The following MYO1B variants were observed in gnomAD, a reference collection of about 807,000 sequenced individuals.
MYO1B encodes unconventional myosin-Ib.
MYO1B carries 72 observed loss-of-function variants against 159.7 expected under a neutral mutation model. That is an observed-to-expected ratio of 0.45 (90% CI 0.37 to 0.55). The LOEUF (loss-of-function observed/expected upper bound fraction) is 0.55. MYO1B is among the 20% of genes least tolerant of loss of function. MYO1B has a pLI of 0.00. For synonymous variants in MYO1B, 468 were observed against 473.8 expected, an observed-to-expected ratio of 0.99 and a Z score of 0.16; for missense variants, 1,062 against 1,364.8, an observed-to-expected ratio of 0.78 and a Z score of 3.50.
At chr2:191,413,582 C>T (rs1697381611) in intron 27 of MYO1B, among the ~76,000 whole-genome samples, 1 of 152,184 alleles carries the variant, frequency 6.6e-6, no homozygotes, top group Non-Finnish European at 1.5e-5. Flanking sequence ...TTCTTATTCT[C>T]TGCAAGAAAT....
intron 8 of MYO1B, among the ~76,000 whole-genome samples, chr2:191,361,737 G>A (rs759309701): frequency 6.6e-5 from 10 of 151,824 alleles, no homozygotes; most frequent in Non-Finnish European, 1.3e-4. Context: ...GTAGAGCTGC[G>A]GGTGTTACTT....
chr2:191,359,165 A>G (rs891799928), intron 7 of MYO1B, among the ~76,000 whole-genome samples: 2 of 152,210 alleles, frequency 1.3e-5, no homozygotes, highest in Non-Finnish European at 2.9e-5. Flanking sequence ...CTGCATGTTT[A>G]ACATTACTTA....
intron 3 of MYO1B, among the ~76,000 whole-genome samples, chr2:191,305,099 A>G (rs1689568732): frequency 6.6e-6 from 1 of 152,236 alleles, no homozygotes; most frequent in Non-Finnish European, 1.5e-5. Flanking sequence ...GATTAGTATA[A>G]TTACTTCATC....
At chr2:191,410,389 A>C (rs2126164254) in intron 26 of MYO1B, among the ~76,000 whole-genome samples, 1 of 152,294 alleles carries the variant, frequency 6.6e-6, no homozygotes, top group South Asian at 2.1e-4. Flanking sequence ...AGGAATGCTC[A>C]TCTAAAAAAC....
chr2:191,350,904 T>A (rs934824245), intron 7 of MYO1B, among the ~76,000 whole-genome samples: 5 of 151,570 alleles, frequency 3.3e-5, no homozygotes, highest in African/African-American at 9.7e-5. Flanking sequence ...CCACACGGGG[T>A]TTTCAGTGTC....
intron 5 of MYO1B, among the ~76,000 whole-genome samples, chr2:191,345,362 T>C (rs993099111): frequency 6.6e-6 from 1 of 152,230 alleles, no homozygotes; most frequent in Non-Finnish European, 1.5e-5. Flanking sequence ...ATGTTTAGGC[T>C]ACTTAATCTT....
At chr2:191,330,459 T>C (rs1691397544) in intron 4 of MYO1B, among the ~76,000 whole-genome samples, 1 of 152,186 alleles carries the variant, frequency 6.6e-6, no homozygotes, top group Admixed American at 6.5e-5. Flanking sequence ...ACTCAAGAGT[T>C]TTCCTCTGAA....
At chr2:191,327,218 C>G (rs1691158204) in intron 3 of MYO1B, among the ~76,000 whole-genome samples, 1 of 152,212 alleles carries the variant, frequency 6.6e-6, no homozygotes, top group Admixed American at 6.5e-5. Context: ...AGAGCATCCA[C>G]TCATTCATCC....
At position 191,400,853 on chromosome 2, in the gene MYO1B, C is replaced by T. The variant is rs2126135056; in HGVS notation, c.2469+18C>T. 2 of 1,607,512 alleles carry T rather than the reference C, an allele frequency of 1.2e-6. No homozygotes were observed. Among genetic ancestry groups the T allele is most frequent in the Non-Finnish European group, 1.7e-6 (2 of 1,174,722 alleles). Reference sequence around the variant, plus strand: ...GATCTAAGGTACTTGATGCACATATCCCAACACTCCATCCTGGAATTCTGC... The same window carrying T: ...GATCTAAGGTACTTGATGCACATATTCCAACACTCCATCCTGGAATTCTGC... On this transcript the variant is annotated intron_variant, in intron 23 of 30. Coordinates refer to ENST00000392318, the MANE Select transcript of MYO1B (RefSeq NM_001130158.3).
chr2:191,354,819 CTTGCACAGT>C (rs1483099805), intron 7 of MYO1B, among the ~76,000 whole-genome samples: 1 of 152,210 alleles, frequency 6.6e-6, no homozygotes, highest in Non-Finnish European at 1.5e-5. Context: ...TGGGCACCAG[CTTGCACAGT>C]TTCAGGGGCA....
intron 3 of MYO1B, among the ~76,000 whole-genome samples, chr2:191,324,863 A>G (rs1690952007): frequency 6.6e-6 from 1 of 152,180 alleles, no homozygotes; most frequent in Non-Finnish European, 1.5e-5. Context: ...GAAGGGCATA[A>G]CACTAACTTG....
chr2:191,261,798 A>G (rs1288430816), intron 1 of MYO1B, among the ~76,000 whole-genome samples: 2 of 152,194 alleles, frequency 1.3e-5, no homozygotes, highest in African/African-American at 4.8e-5. Context: ...GATGGTTTAT[A>G]GAAGAAAGAC....
At position 191,390,407 on chromosome 2, in the gene MYO1B, G is replaced by C. The variant is rs1006362955; in HGVS notation, c.1897G>C (p.Ala633Pro). The change falls in exon 18 of 31, where the codon GCC becomes CCC. Residue 633 changes from alanine (A) to proline (P), a missense_variant. Around this residue, in one of 5 missense-constraint regions of MYO1B, gnomAD observed 609 missense variants for 744.4 expected, o/e 0.82. Transcript: ENST00000392318. ...CGTCCGAGTGCGGAGGGCAGGCTAC[G>C]CCTTCAGGCAGGCCTATGAACCTTG... ...ENVRVRRAGY[A>P]FRQAYEPCLE... is the part of the protein sequence containing the mutation. 2 of 1,614,236 alleles carry C rather than the reference G, an allele frequency of 1.2e-6. No individual in the cohort carries two copies.
Position 191,328,454 on chromosome 2 carries a change from G to A in MYO1B, c.252-1481G>A, listed in dbSNP as rs116748028. ...GCTTTATCCCAGTGGTCAGTCGCAGGCGTTAGCTCTGGCCCTGCTGTGTCA... is the reference window on the plus strand; with the variant it reads ...GCTTTATCCCAGTGGTCAGTCGCAGACGTTAGCTCTGGCCCTGCTGTGTCA... On this transcript the variant is annotated intron_variant, in intron 3 of 30. Transcript: ENST00000392318. Among the ~76,000 whole-genome samples the A allele has an allele frequency of 7.4e-3, 1,128 of 152,274 alleles. 15 individuals are homozygous for A. Among genetic ancestry groups the A allele is most frequent in the African/African-American group, 0.026 (1,079 of 41,530 alleles).
At chr2:191,419,629 T>C (rs1288205481) in intron 30 of MYO1B, among the ~76,000 whole-genome samples, 1 of 152,284 alleles carries the variant, frequency 6.6e-6, no homozygotes, top group African/African-American at 2.4e-5. Flanking sequence ...GGCATTGTTA[T>C]CTTAGGAGAA....
chr2:191,280,629 A>G (rs1269799612), intron 2 of MYO1B, among the ~76,000 whole-genome samples: 1 of 152,192 alleles, frequency 6.6e-6, no homozygotes, highest in Non-Finnish European at 1.5e-5. Context: ...CGGAGATGGC[A>G]TGACCTGAGC....
At chr2:191,298,619 T>G (rs987280903) in intron 3 of MYO1B, among the ~76,000 whole-genome samples, 1 of 152,220 alleles carries the variant, frequency 6.6e-6, no homozygotes, top group Non-Finnish European at 1.5e-5. Context: ...TGTTTTTCTT[T>G]CCTTTCTTAA....
chr2:191,284,822 C>T (rs1374109770), intron 2 of MYO1B, among the ~76,000 whole-genome samples: 2 of 152,090 alleles, frequency 1.3e-5, no homozygotes, highest in Non-Finnish European at 2.9e-5. Flanking sequence ...TTAGTACAAA[C>T]AGCGTTTCAC....
intron 2 of MYO1B, among the ~76,000 whole-genome samples, chr2:191,292,364 G>A (rs534570368): frequency 4.0e-4 from 61 of 152,222 alleles, no homozygotes; most frequent in Admixed American, 3.5e-3. Context: ...AAGATGATTG[G>A]GACATTTTAG....
Sources: gnomAD v4.1 joint callset for allele counts (sites outside exome capture counted in the v4.1 genomes callset) on GRCh38, gnomAD v4.1.1 for gene constraint, gnomAD v4.1.1 regional missense constraint, MANE v1.5 for transcripts, NCBI Gene and HGNC (gene_info 2026-07-23, HGNC 2026-07-21) for gene names.